Variants in NOTCH1 observed in about 807,000 individuals in gnomAD.
The protein encoded by NOTCH1 is notch receptor 1.
A neutral mutation model predicts 254.8 loss-of-function variants in NOTCH1; 37 were observed. The ratio of observed to expected loss-of-function variants is 0.15; its 90% confidence interval spans 0.11 to 0.19. The LOEUF is 0.19. NOTCH1 is among the 10% of genes least tolerant of loss of function. The pLI is 1.00. For missense variants in NOTCH1, 2,972 were observed against 3,708.6 expected, an observed-to-expected ratio of 0.80 and a Z score of 5.16; for synonymous variants, 1,731 against 1,618.1, an observed-to-expected ratio of 1.07 and a Z score of -1.68.
At position 136,506,821 on chromosome 9, in the gene NOTCH1, C is replaced by T. The variant is rs2133343623; in HGVS notation, c.3796G>A (p.Gly1266Arg). ...PPGFVGERCEGDVNECLSNPC... is the reference protein window; with the variant it reads ...PPGFVGERCERDVNECLSNPC... ...TTGGACAGGCACTCGTTGACATCCC[C>T]CTCACAGCGCTCACCCACGAAGCCC... The change falls in exon 23 of 34, where the codon GGG becomes AGG. Residue 1266 changes from glycine (G) to arginine (R), a missense_variant. Coordinates refer to ENST00000651671, the MANE Select transcript of NOTCH1 (RefSeq NM_017617.5). This position sits in a 1 kb window ranked among gnomAD's most constrained non-coding sequence, Gnocchi z 4.5. 1 of 1,612,264 alleles carries T rather than the reference C, an allele frequency of 6.2e-7. No homozygotes were observed. The highest frequency in any genetic ancestry group is 2.2e-5 in the East Asian group (1 of 44,830).
chr9:136,517,665 G>A (rs1209827121), intron 8 of NOTCH1, 87 bp downstream of exon 8: 14 of 1,532,516 alleles, frequency 9.1e-6, no homozygotes, highest in Non-Finnish European at 1.3e-5. Context: ...GGGGAAAGCG[G>A]AAGCAACCCA....
intron 2 of NOTCH1, among the ~76,000 whole-genome samples, chr9:136,529,075 G>A (rs1023548665): frequency 1.3e-5 from 2 of 152,186 alleles, no homozygotes; most frequent in African/African-American, 4.8e-5. Context: ...CCCAGACCCA[G>A]ATCCTGCCGT....
At position 136,513,011 on chromosome 9, in the gene NOTCH1, C is replaced by G; in HGVS notation, c.2467+10G>C. 1 of 1,548,274 alleles carries G rather than the reference C, an allele frequency of 6.5e-7. No homozygotes were observed. Among genetic ancestry groups the G allele is most frequent in the South Asian group, 1.1e-5 (1 of 89,196 alleles). ...CGCCCCCTCCAGCACAGGCCCCACC[C>G]ACCCCTCACCTGTGTAGGGCAGCAG... is the stretch of plus-strand genomic sequence containing the variant. On this transcript the variant is annotated intron_variant, in intron 15 of 33. Coordinates refer to ENST00000651671, the MANE Select transcript of NOTCH1 (RefSeq NM_017617.5). The surrounding 1 kb of genome is among the most constrained non-coding windows in gnomAD (Gnocchi z 4.7).
chr9:136,523,334 G>A (rs777677314), intron 3 of NOTCH1, 146 bp from the exon 4 acceptor site: 58 of 886,216 alleles, frequency 6.5e-5, no homozygotes, highest in Non-Finnish European at 9.5e-5. Flanking sequence ...CCGTGAGACC[G>A]GTCGCCTTTG....
chr9:136,512,525 C>T (rs532751689), intron 15 of NOTCH1, among the ~76,000 whole-genome samples: 55 of 152,332 alleles, frequency 3.6e-4, no homozygotes, highest in African/African-American at 1.2e-3. Flanking sequence ...AAACAGAGGG[C>T]TCCTTGTTCC....
rs201791826 is a variant in NOTCH1, at chr9:136,506,717, G to A, written c.3900C>T (p.Thr1300=). ...CACCCGCCTGGGCGCGGCACCCACC[G>A]GTGTGACCAGCACGGCACTCGCAGT... is the stretch of plus-strand genomic sequence containing the variant. ...DFHCECRAGH[T]GRRCESVING... The change falls in exon 23 of 34, where the codon ACC becomes ACT. Residue 1300 remains threonine, a splice_region_variant and synonymous_variant. Transcript: ENST00000651671. This position sits in a 1 kb window ranked among gnomAD's most constrained non-coding sequence, Gnocchi z 4.5. 48 of 1,598,392 alleles carry A rather than the reference G, an allele frequency of 3.0e-5. No individual in the cohort carries two copies. The highest frequency in any genetic ancestry group is 1.7e-4 in the Middle Eastern group (1 of 6,000).
chr9:136,525,429 C>A (rs1843444050), intron 2 of NOTCH1, among the ~76,000 whole-genome samples: 1 of 152,272 alleles, frequency 6.6e-6, no homozygotes, highest in Admixed American at 6.5e-5. Context: ...CGCCGCTCTT[C>A]CCAGTGGTGA....
At chr9:136,519,907 G>C (rs1485309446) in intron 4 of NOTCH1, among the ~76,000 whole-genome samples, 7 of 152,222 alleles carry the variant, frequency 4.6e-5, no homozygotes, top group Non-Finnish European at 7.3e-5. Flanking sequence ...CTCCACAGGG[G>C]GGCCGCACAC....
Position 136,514,500 on chromosome 9 carries a change from C to A in NOTCH1, c.2207+10G>T. 1 of 1,562,578 alleles carries A rather than the reference C, an allele frequency of 6.4e-7. No individual in the cohort carries two copies. The highest frequency in any genetic ancestry group is 2.3e-5 in the East Asian group (1 of 42,596). On this transcript the variant is annotated intron_variant, in intron 13 of 33. Coordinates refer to ENST00000651671, the MANE Select transcript of NOTCH1 (RefSeq NM_017617.5). ...ACTGATGTGTCCCCATGATCGGCCCCGCCGCATACCCGTTGAGGCTGTCCC... is the reference window on the plus strand; with the variant it reads ...ACTGATGTGTCCCCATGATCGGCCCAGCCGCATACCCGTTGAGGCTGTCCC...
chr9:136,526,266 G>A (rs576485093), intron 2 of NOTCH1, among the ~76,000 whole-genome samples: 6 of 152,364 alleles, frequency 3.9e-5, no homozygotes, highest in South Asian at 2.1e-4. Context: ...GGCCACAGGA[G>A]GGGCGCCCTC....
chr9:136,527,240 A>G (rs1383703303), intron 2 of NOTCH1, among the ~76,000 whole-genome samples: 1 of 152,182 alleles, frequency 6.6e-6, no homozygotes, highest in African/African-American at 2.4e-5. Context: ...TCCGCACAGC[A>G]CCCAGACGTC....
intron 30 of NOTCH1, among the ~76,000 whole-genome samples, chr9:136,501,066 C>T (rs1453799545): frequency 6.6e-6 from 1 of 152,242 alleles, no homozygotes; most frequent in Non-Finnish European, 1.5e-5. Context: ...CGGGCAACTG[C>T]TTCCTGACCT....
chr9:136,501,608 T>G (rs1244508806), intron 30 of NOTCH1, 140 bp downstream of exon 30: 2 of 1,061,230 alleles, frequency 1.9e-6, no homozygotes, highest in Non-Finnish European at 2.7e-6. Context: ...CTACTCTGAA[T>G]GGGAAACACC....
At chr9:136,519,845 G>C (rs545805714) in intron 4 of NOTCH1, among the ~76,000 whole-genome samples, 1 of 152,216 alleles carries the variant, frequency 6.6e-6, no homozygotes, top group Non-Finnish European at 1.5e-5. Context: ...AAGAGGTTCC[G>C]GCAGCTCCTG....
Position 136,537,696 on chromosome 9 carries a change from G to A in NOTCH1, c.140+6328C>T, listed in dbSNP as rs376819834. 5.9e-5 allele frequency among the ~76,000 whole-genome samples: 9 copies of A among 152,246 alleles called. No individual in the cohort carries two copies. The South Asian group carries it at 6.2e-4, about 11-fold the overall frequency. On this transcript the variant is annotated intron_variant, in intron 2 of 33. Coordinates refer to ENST00000651671, the MANE Select transcript of NOTCH1 (RefSeq NM_017617.5). ...CTGTGGTCCCAGCTACTCTGGAGGC[G>A]GAGGCAGGAGGATCGCTTGAGCCCA...
intron 2 of NOTCH1, among the ~76,000 whole-genome samples, chr9:136,536,483 AAGGCCCCGGAGC>A (rs1304164804): frequency 6.6e-6 from 1 of 152,110 alleles, no homozygotes; most frequent in Non-Finnish European, 1.5e-5. Flanking sequence ...CAGGGAAGGG[AAGGCCCCGGAGC>A]AGGCAGACTG....
At chr9:136,497,633 G>C in intron 33 of NOTCH1, 75 bp from the exon 34 acceptor site, 1 of 1,358,340 alleles carries the variant, frequency 7.4e-7, no homozygotes, top group East Asian at 2.5e-5. Context: ...TCCATCACCA[G>C]AGGAAGCAGC....
chr9:136,531,960 G>T (rs573928245), intron 2 of NOTCH1, among the ~76,000 whole-genome samples: 1 of 152,204 alleles, frequency 6.6e-6, no homozygotes, highest in South Asian at 2.1e-4. Context: ...AACACCGCTC[G>T]CCTGCCGGCC....
intron 26 of NOTCH1, among the ~76,000 whole-genome samples, chr9:136,503,754 G>C (rs1201765631): frequency 2.0e-5 from 3 of 152,216 alleles, no homozygotes; most frequent in Non-Finnish European, 4.4e-5. Flanking sequence ...AGGCTGGCTG[G>C]GGGTGAGCTC....
Sources: allele counts gnomAD v4.1 joint callset (sites outside exome capture counted in the v4.1 genomes callset), GRCh38; gene constraint gnomAD v4.1.1; non-coding constraint Gnocchi (gnomAD v3.1); transcripts MANE v1.5; gene names NCBI Gene and HGNC (gene_info 2026-07-23, HGNC 2026-07-21).